Variants in RUNX3 observed in about 807,000 individuals in gnomAD.
RUNX3 encodes the protein RUNX family transcription factor 3, also known as runt-related transcription factor 3.
In RUNX3, 10 loss-of-function variants were observed where a neutral mutation model predicts 27.7. That is an observed-to-expected ratio of 0.36 (90% CI 0.22 to 0.61). The LOEUF (loss-of-function observed/expected upper bound fraction) is 0.61, where lower values mean the gene tolerates loss of function less well. Ranked by LOEUF, RUNX3 falls within the 20% of genes least tolerant of loss-of-function variation. The pLI is 0.72. For synonymous variants in RUNX3, 270 were observed against 269.2 expected (o/e 1.00, Z -0.03); for missense variants, 469 against 629.5 (o/e 0.75, Z 2.73).
intron 2 of RUNX3, among the ~76,000 whole-genome samples, chr1:24,951,420 T>A (rs569283851): frequency 6.6e-6 from 1 of 152,252 alleles, no homozygotes; most frequent in African/African-American, 2.4e-5. Context: ...ACCTTCTGCA[T>A]GGGCCATACA....
At chr1:24,951,814 A>G (rs932494898) in intron 2 of RUNX3, among the ~76,000 whole-genome samples, 1 of 152,206 alleles carries the variant, frequency 6.6e-6, no homozygotes, top group Non-Finnish European at 1.5e-5. Flanking sequence ...CAGTTTTCTC[A>G]TCTGTAAAAT....
intron 2 of RUNX3, among the ~76,000 whole-genome samples, chr1:24,958,657 G>T (rs1032095758): frequency 2.0e-4 from 30 of 152,280 alleles, no homozygotes; most frequent in African/African-American, 7.2e-4. Context: ...GAGGGCTAAA[G>T]GCAATCTTTC....
chr1:24,951,367 C>T (rs1256900321), intron 2 of RUNX3, among the ~76,000 whole-genome samples: 1 of 152,138 alleles, frequency 6.6e-6, no homozygotes, highest in Non-Finnish European at 1.5e-5. Flanking sequence ...CTCAATTTCT[C>T]TAACTATGCA....
intron 4 of RUNX3, among the ~76,000 whole-genome samples, chr1:24,906,551 G>A (rs527710774): frequency 2.0e-5 from 3 of 152,294 alleles, no homozygotes; most frequent in South Asian, 2.1e-4. Flanking sequence ...TTTAGTGAGC[G>A]GCTACTATGC....
At chr1:24,918,179 G>T (rs1640924986) in intron 3 of RUNX3, among the ~76,000 whole-genome samples, 1 of 152,208 alleles carries the variant, frequency 6.6e-6, no homozygotes, top group African/African-American at 2.4e-5. Flanking sequence ...GGATGATGGG[G>T]TGTCAGGCCC....
At chr1:24,919,439 C>T in intron 2 of RUNX3, 95 bp from the exon 3 acceptor site, 1 of 784,472 alleles carries the variant, frequency 1.3e-6, no homozygotes, top group Non-Finnish European at 2.1e-6. Context: ...AAGCCCCTAA[C>T]TGTCAAGAAG....
At chr1:24,963,331 G>T (rs1271204674) in intron 2 of RUNX3, among the ~76,000 whole-genome samples, 1 of 152,186 alleles carries the variant, frequency 6.6e-6, no homozygotes, top group Non-Finnish European at 1.5e-5. Context: ...GTCAGCCAGC[G>T]GCAGGGCAGG....
At chr1:24,959,040 C>T (rs970134321) in intron 2 of RUNX3, among the ~76,000 whole-genome samples, 16 of 152,190 alleles carry the variant, frequency 1.1e-4, no homozygotes, top group African/African-American at 2.4e-4. Context: ...GTGGCAAGGC[C>T]GGGGTCAGAG....
intron 3 of RUNX3, among the ~76,000 whole-genome samples, chr1:24,913,937 A>AG (rs1185920900): frequency 6.6e-6 from 1 of 152,220 alleles, no homozygotes; most frequent in Admixed American, 6.5e-5. Flanking sequence ...GCACTGTGCA[A>AG]GGGGGGCCAT....
intron 3 of RUNX3, among the ~76,000 whole-genome samples, chr1:24,918,585 A>G (rs1220885770): frequency 1.3e-5 from 2 of 151,484 alleles, no homozygotes; most frequent in Admixed American, 6.6e-5. Flanking sequence ...TCATTCATTC[A>G]TTCAGTCAGT....
rs141390120 is a variant in RUNX3, at chr1:24,936,815, C to T, written c.59-6963G>A. ...TAATTAATCTCAGAGGCCGATGGCT[C>T]GGAGGAGACTGGGGGCTTTGGCCTT... On this transcript the variant is annotated intron_variant, in intron 2 of 6. Transcript: ENST00000338888. 9.6e-3 allele frequency among the ~76,000 whole-genome samples: 1,461 copies of T among 152,280 alleles called. 14 individuals carry two copies. The highest frequency in any genetic ancestry group is 0.014 in the Non-Finnish European group (979 of 68,032).
chr1:24,901,881 G>A lies in RUNX3; in HGVS notation c.*241C>T, dbSNP rs1640559394. 6.0e-6 allele frequency: 3 copies of A among 501,672 alleles called. No homozygotes were observed. The highest frequency in any genetic ancestry group is 3.4e-5 in the South Asian group (1 of 29,298). 31.1% of individuals were successfully genotyped at this position (501,672 alleles called of 1,614,324 possible). A position where few individuals can be genotyped will look rare whatever the true frequency, so the allele number is the denominator to read the frequency against. On this transcript the variant is annotated 3_prime_UTR_variant, in exon 5 of 5. Coordinates refer to ENST00000308873, the MANE Select transcript of RUNX3 (RefSeq NM_004350.3). ...TCCCCACAGAAGTATGGGATGAGAC[G>A]GCCAGGATCTGGGCCGGGGGCAGTA...
chr1:24,948,942 C>T (rs1484966247), intron 2 of RUNX3, among the ~76,000 whole-genome samples: 2 of 151,918 alleles, frequency 1.3e-5, no homozygotes, highest in Middle Eastern at 3.2e-3. Flanking sequence ...AACCCACCTC[C>T]CTGCCTCCTG....
intron 3 of RUNX3, among the ~76,000 whole-genome samples, chr1:24,915,153 G>A (rs888926585): frequency 1.3e-5 from 2 of 152,036 alleles, no homozygotes; most frequent in African/African-American, 4.8e-5. Flanking sequence ...GCCGGGTGCG[G>A]TGGCTCACGC....
chr1:24,929,527 G>T lies in RUNX3; in HGVS notation c.282+60C>A, dbSNP rs754841366. 8.0e-6 allele frequency: 12 copies of T among 1,491,376 alleles called. No homozygotes were observed. In the East Asian group the frequency reaches 2.2e-4, roughly 27 times the overall value. The allele number at this position is 1,491,376 out of a possible 1,614,324, so 92.4% of individuals were successfully genotyped here. On this transcript the variant is annotated intron_variant, in intron 1 of 4. Transcript: ENST00000308873. ...CACTGCTCCCGAGGCTCTGGCTCCC[G>T]CAGCTCAGACGCCCGGAGCCCCAGG... is the stretch of plus-strand genomic sequence containing the variant.
Position 24,930,089 on chromosome 1 carries a change from G to T in RUNX3, c.-221C>A, listed in dbSNP as rs987246638. 3.1e-6 allele frequency: 3 copies of T among 979,908 alleles called. No individual in the cohort carries two copies. In the South Asian group the frequency reaches 1.4e-4, roughly 46 times the overall value. The allele number at this position is 979,908 out of a possible 1,614,324, so 60.7% of individuals were successfully genotyped here. On this transcript the variant is annotated 5_prime_UTR_variant, in exon 1 of 5. Coordinates refer to ENST00000308873, the MANE Select transcript of RUNX3 (RefSeq NM_004350.3). This position sits in a 1 kb window ranked among gnomAD's most constrained non-coding sequence, Gnocchi z 4.1. ...CCGACGGCCGCCCGCAGCCTGCCCG[G>T]CTAGTCCCGCATCCTCGGCGCGCGG...
At chr1:24,928,584 G>C (rs1182717471) in intron 1 of RUNX3, among the ~76,000 whole-genome samples, 1 of 152,228 alleles carries the variant, frequency 6.6e-6, no homozygotes, top group East Asian at 1.9e-4. Context: ...AAGAAGACCA[G>C]ATTTCCTGTC....
chr1:24,912,616 C>T (rs547728352), intron 3 of RUNX3, among the ~76,000 whole-genome samples: 5 of 152,002 alleles, frequency 3.3e-5, no homozygotes, highest in Non-Finnish European at 4.4e-5. Flanking sequence ...GCTTCCTCCA[C>T]GGCAGCGTCT....
rs1009118716 is a variant in RUNX3, at chr1:24,962,780, C to G, written c.58+1734G>C. On this transcript the variant is annotated intron_variant, in intron 2 of 6. Coordinates refer to the RUNX3 transcript ENST00000338888. The surrounding 1 kb of genome is among the most constrained non-coding windows in gnomAD (Gnocchi z 4.5). Reference sequence around the variant, plus strand: ...GCCAAAGCCACCTCTCCCTTTGTGCCCTTTGTGCTACTGCCAGCCACCTCC... The same window carrying G: ...GCCAAAGCCACCTCTCCCTTTGTGCGCTTTGTGCTACTGCCAGCCACCTCC... Among the ~76,000 whole-genome samples the G allele has an allele frequency of 9.2e-5, 14 of 152,170 alleles. No individual in the cohort carries two copies. Among genetic ancestry groups the G allele is most frequent in the Admixed American group, 1.3e-4 (2 of 15,284 alleles).
Sources: allele counts gnomAD v4.1 joint callset (sites outside exome capture counted in the v4.1 genomes callset), GRCh38; gene constraint gnomAD v4.1.1; non-coding constraint Gnocchi (gnomAD v3.1); transcripts MANE v1.5; gene names NCBI Gene and HGNC (gene_info 2026-07-23, HGNC 2026-07-21).